The following SNTG2 variants were observed in gnomAD, a reference collection of about 807,000 sequenced individuals.
The protein encoded by SNTG2 is syntrophin gamma 2.
A neutral mutation model predicts 70.9 loss-of-function variants in SNTG2; 74 were observed. The ratio of observed to expected loss-of-function variants is 1.04; its 90% confidence interval spans 0.86 to 1.27. The LOEUF is 1.27. Ranked by LOEUF, SNTG2 falls within the 50% of genes most tolerant of loss-of-function variation. SNTG2 has a pLI of 0.00. For missense variants in SNTG2, 717 were observed against 690.7 expected (o/e 1.04, Z -0.43); for synonymous variants, 278 against 273.8 (o/e 1.02, Z -0.15).
At chr2:1,153,595 A>G (rs1669663299) in intron 6 of SNTG2, among the ~76,000 whole-genome samples, 2 of 152,228 alleles carry the variant, frequency 1.3e-5, no homozygotes, top group South Asian at 4.1e-4. Flanking sequence ...GCTTAAATGC[A>G]CTTGTCTAAG....
chr2:996,753 A>T (rs919886773), intron 1 of SNTG2, among the ~76,000 whole-genome samples: 2 of 135,522 alleles, frequency 1.5e-5, no homozygotes, highest in African/African-American at 5.6e-5. Flanking sequence ...CATTTTGGAG[A>T]TGCTGGGGTA....
At chr2:1,135,355 CTT>C (rs1668310518) in intron 4 of SNTG2, among the ~76,000 whole-genome samples, 2 of 152,088 alleles carry the variant, frequency 1.3e-5, no homozygotes, top group African/African-American at 4.8e-5. Flanking sequence ...TCAGATGCGT[CTT>C]CATTGACCTT....
intron 9 of SNTG2, among the ~76,000 whole-genome samples, chr2:1,214,966 G>A (rs911170180): frequency 6.6e-6 from 1 of 152,112 alleles, no homozygotes; most frequent in African/African-American, 2.4e-5. Flanking sequence ...TTTGTCAAAT[G>A]TTTTTCTGCA....
chr2:1,113,960 C>T (rs768329156), intron 4 of SNTG2, among the ~76,000 whole-genome samples: 5 of 150,320 alleles, frequency 3.3e-5, no homozygotes, highest in Non-Finnish European at 5.9e-5. Flanking sequence ...TGAAGTTTAA[C>T]CCTTACAGTC....
At chr2:1,179,735 C>T (rs1370762613) in intron 8 of SNTG2, among the ~76,000 whole-genome samples, 4 of 150,684 alleles carry the variant, frequency 2.7e-5, no homozygotes, top group African/African-American at 9.7e-5. Context: ...TCATATGGAA[C>T]CAAAAAAGAG....
chr2:1,008,118 G>T (rs1201307745), intron 1 of SNTG2, among the ~76,000 whole-genome samples: 4 of 152,126 alleles, frequency 2.6e-5, no homozygotes, highest in Non-Finnish European at 5.9e-5. Flanking sequence ...TATTTAAAAG[G>T]CTTGATAATA....
intron 4 of SNTG2, among the ~76,000 whole-genome samples, chr2:1,098,628 C>T (rs916789795): frequency 2.0e-5 from 3 of 152,184 alleles, no homozygotes; most frequent in African/African-American, 7.2e-5. Context: ...TTAAGAGAGA[C>T]ACTAATTCTC....
At chr2:1,085,151 T>G (rs1215994622) in intron 2 of SNTG2, among the ~76,000 whole-genome samples, 1 of 152,192 alleles carries the variant, frequency 6.6e-6, no homozygotes, top group Non-Finnish European at 1.5e-5. Flanking sequence ...TTTTTTTTCC[T>G]CCACTTGTTC....
intron 1 of SNTG2, among the ~76,000 whole-genome samples, chr2:1,070,581 T>G (rs112142566): frequency 1.2e-3 from 178 of 152,330 alleles, no homozygotes; most frequent in African/African-American, 3.9e-3. Context: ...GCTAAATATC[T>G]TACTTACATG....
intron 1 of SNTG2, among the ~76,000 whole-genome samples, chr2:971,883 A>AT (rs1254337294): frequency 1.3e-5 from 2 of 151,934 alleles, no homozygotes; most frequent in Non-Finnish European, 2.9e-5. Context: ...GTTTCAAATA[A>AT]TTTTTTATTT....
rs1671244666 is a variant in SNTG2 at position 1,173,203 on chromosome 2, T to A, written c.591+20T>A. The A allele has an allele frequency of 6.2e-7, 1 of 1,604,252 alleles. No homozygotes were observed. Among genetic ancestry groups the A allele is most frequent in the Non-Finnish European group, 8.5e-7 (1 of 1,171,986 alleles). On this transcript the variant is annotated intron_variant, in intron 8 of 16. Coordinates refer to ENST00000308624, the MANE Select transcript of SNTG2 (RefSeq NM_018968.4). ...ACCACAGTAAGCATATAGATTTTTG[T>A]TAAATTTTATTTTAACAGAAATATC...
At chr2:1,158,048 G>A (rs4287796) in intron 6 of SNTG2, among the ~76,000 whole-genome samples, 22,014 of 152,224 alleles carry the variant, frequency 0.14, 1,974 homozygotes, top group East Asian at 0.43. Flanking sequence ...ACACACTCAG[G>A]TGGGGGCTCA....
intron 8 of SNTG2, among the ~76,000 whole-genome samples, chr2:1,202,846 A>G: frequency 6.6e-6 from 1 of 152,224 alleles, no homozygotes; most frequent in East Asian, 1.9e-4. Context: ...TAAAAATAAT[A>G]TGAGTTCATC....
chr2:1,347,442 A>G (rs1660351400), intron 16 of SNTG2, among the ~76,000 whole-genome samples: 1 of 152,212 alleles, frequency 6.6e-6, no homozygotes, highest in Non-Finnish European at 1.5e-5. Flanking sequence ...TAGGACCATC[A>G]TCAAACCAGG....
Position 950,930 on chromosome 2 carries a change from G to A in SNTG2, c.-67G>A. On this transcript the variant is annotated 5_prime_UTR_variant, in exon 1 of 17. Coordinates refer to ENST00000308624, the MANE Select transcript of SNTG2 (RefSeq NM_018968.4). ...CGCGGCGCCTGGCGGGGCCCTGGGA[G>A]GCTCGGACGGGGTCCTGGCGTTGAG... The A allele has an allele frequency of 6.0e-6, 5 of 829,960 alleles. No homozygotes were observed. Among genetic ancestry groups the A allele is most frequent in the East Asian group, 4.0e-5 (1 of 24,956 alleles). 51.4% of individuals were successfully genotyped at this position (829,960 alleles called of 1,614,324 possible). A position where few individuals can be genotyped will look rare whatever the true frequency, so the allele number is the denominator to read the frequency against.
At position 1,197,463 on chromosome 2, in the gene SNTG2, A is replaced by ATATATATATGTG. The variant is rs1491406759; in HGVS notation, c.592-11630_592-11619dup. 3.7e-4 allele frequency among the ~76,000 whole-genome samples: 52 copies of ATATATATATGTG among 138,946 alleles called. 1 individual carries two copies. The highest frequency in any genetic ancestry group is 1.2e-3 in the South Asian group (5 of 4,282). The allele number at this position is 138,946 out of a possible 152,430, so 91.2% of individuals were successfully genotyped here. A position where few individuals can be genotyped will look rare whatever the true frequency, so the allele number is the denominator to read the frequency against. ...ACATGCACCCAATTTCAGAGCATGC[A>ATATATATATGTG]TATATATATGTGTATATATATATGT... On this transcript the variant is annotated intron_variant, in intron 8 of 16. Transcript: ENST00000308624.
intron 6 of SNTG2, chr2:1,163,529 C>T (rs572613442): frequency 6.6e-6 from 1 of 150,516 alleles, no homozygotes; most frequent in South Asian, 2.1e-4. Context: ...CATGTGAGGC[C>T]TTCCAACAGG....
At chr2:1,040,454 C>T (rs1455407692) in intron 1 of SNTG2, among the ~76,000 whole-genome samples, 2 of 152,162 alleles carry the variant, frequency 1.3e-5, no homozygotes, top group Non-Finnish European at 1.5e-5. Context: ...CAGTACCTTG[C>T]CCTGTCCAGC....
intron 1 of SNTG2, among the ~76,000 whole-genome samples, chr2:1,029,605 C>T (rs1251361868): frequency 6.6e-6 from 1 of 152,152 alleles, no homozygotes; most frequent in African/African-American, 2.4e-5. Flanking sequence ...GGCGTTACAC[C>T]CTGAGACCAT....
Sources: gnomAD v4.1 joint callset for allele counts (sites outside exome capture counted in the v4.1 genomes callset) on GRCh38, gnomAD v4.1.1 for gene constraint, MANE v1.5 for transcripts, NCBI Gene and HGNC (gene_info 2026-07-23, HGNC 2026-07-21) for gene names.